Variants in SKIC3 observed in about 807,000 individuals in gnomAD.
The protein encoded by SKIC3 is SKI3 subunit of superkiller complex, also known as superkiller complex protein 3.
At chr5:95,494,970 A>C in the SKIC3 span, 1 of 1,613,752 alleles carries the variant, frequency 6.2e-7, no homozygotes, top group East Asian at 2.2e-5. Context: ...TAACCTTTCC[A>C]TGATTTGAGT....
At chr5:95,537,661 A>T in the SKIC3 span, among the ~76,000 whole-genome samples, 1 of 152,206 alleles carries the variant, frequency 6.6e-6, no homozygotes, top group East Asian at 1.9e-4. Flanking sequence ...TCTGAAGAAC[A>T]TTCCATCACT....
At chr5:95,493,862 A>G in the SKIC3 span, among the ~76,000 whole-genome samples, 1 of 151,996 alleles carries the variant, frequency 6.6e-6, no homozygotes, top group Non-Finnish European at 1.5e-5. Flanking sequence ...CTATACTGCT[A>G]GACATTCCAG....
the SKIC3 span, chr5:95,509,743 A>C: frequency 8.4e-7 from 1 of 1,186,642 alleles, no homozygotes; most frequent in South Asian, 1.3e-5. Flanking sequence ...TATTAACAAA[A>C]TATTCGTTTT....
the SKIC3 span, among the ~76,000 whole-genome samples, chr5:95,551,619 A>T: frequency 6.6e-6 from 1 of 152,172 alleles, no homozygotes; most frequent in African/African-American, 2.4e-5. Context: ...CTCCTCACCC[A>T]ATCTAGTTTT....
chr5:95,488,942 T>C, the SKIC3 span, among the ~76,000 whole-genome samples: 1 of 152,066 alleles, frequency 6.6e-6, no homozygotes, highest in Non-Finnish European at 1.5e-5. Context: ...AAACTTTCCA[T>C]TGAAAATATA....
At chr5:95,498,419 G>A in the SKIC3 span, 7 of 1,614,018 alleles carry the variant, frequency 4.3e-6, no homozygotes, top group Admixed American at 8.3e-5. Context: ...CTGCGGCCTT[G>A]GAGTGCATAA....
chr5:95,473,816 T>C, the SKIC3 span, among the ~76,000 whole-genome samples: 1 of 152,228 alleles, frequency 6.6e-6, no homozygotes, highest in Admixed American at 6.5e-5. Context: ...ATTAGATCTT[T>C]GTCAGATGCA....
At chr5:95,501,146 T>C in the SKIC3 span, among the ~76,000 whole-genome samples, 1 of 152,052 alleles carries the variant, frequency 6.6e-6, no homozygotes, top group African/African-American at 2.4e-5. Context: ...TAAATTTCAA[T>C]ATTGATAACA....
At chr5:95,512,001 T>C in the SKIC3 span, among the ~76,000 whole-genome samples, 3 of 152,128 alleles carry the variant, frequency 2.0e-5, no homozygotes, top group East Asian at 5.8e-4. Context: ...AAAAATCAGG[T>C]GTTAAGTGGG....
chr5:95,545,485 G>C, the SKIC3 span, among the ~76,000 whole-genome samples: 4 of 152,084 alleles, frequency 2.6e-5, no homozygotes, highest in East Asian at 7.7e-4. Context: ...CTCCCAATCT[G>C]GGTCAGCCAA....
the SKIC3 span, among the ~76,000 whole-genome samples, chr5:95,554,575 C>G: frequency 6.6e-6 from 1 of 152,208 alleles, no homozygotes; most frequent in Non-Finnish European, 1.5e-5. Context: ...CCTGAAACTT[C>G]TTACTAGGCC....
the SKIC3 span, chr5:95,507,097 T>C: frequency 4.0e-6 from 5 of 1,254,636 alleles, no homozygotes; most frequent in Non-Finnish European, 5.7e-6. Flanking sequence ...AGATTTTTGT[T>C]CATTTAATTC....
the SKIC3 span, among the ~76,000 whole-genome samples, chr5:95,482,068 A>C: frequency 1.3e-5 from 2 of 152,202 alleles, no homozygotes; most frequent in Non-Finnish European, 2.9e-5. Context: ...AATCCTGAAA[A>C]TAATTATTTC....
chr5:95,507,022 A>C, the SKIC3 span: 1 of 1,611,018 alleles, frequency 6.2e-7, no homozygotes, highest in African/African-American at 1.3e-5. Context: ...CTTAAAAAAA[A>C]AAAGGTATTT....
chr5:95,515,850 G>C, the SKIC3 span, among the ~76,000 whole-genome samples: 1 of 152,048 alleles, frequency 6.6e-6, no homozygotes, highest in Non-Finnish European at 1.5e-5. Flanking sequence ...CATACTCCCA[G>C]TCACTTTAGT....
chr5:95,523,420 C>T, the SKIC3 span: 1 of 1,403,384 alleles, frequency 7.1e-7, no homozygotes. Context: ...TCATTTCTCA[C>T]TTCTGATTTT....
the SKIC3 span, among the ~76,000 whole-genome samples, chr5:95,538,188 T>G: frequency 9.2e-3 from 1,395 of 152,252 alleles, 20 homozygotes; most frequent in African/African-American, 0.032. Flanking sequence ...AAAGTTATTT[T>G]ACTTATTTTG....
At chr5:95,489,659 G>C in the SKIC3 span, among the ~76,000 whole-genome samples, 1 of 151,238 alleles carries the variant, frequency 6.6e-6, no homozygotes, top group Non-Finnish European at 1.5e-5. Flanking sequence ...AAAAAACAAA[G>C]GCAACAAATA....
chr5:95,543,059 T>G, the SKIC3 span: 1 of 1,209,982 alleles, frequency 8.3e-7, no homozygotes, highest in South Asian at 1.4e-5. Flanking sequence ...ACCAATAAAT[T>G]TAAATTTTTT....
Sources: allele counts gnomAD v4.1 joint callset (sites outside exome capture counted in the v4.1 genomes callset), GRCh38; gene constraint gnomAD v4.1.1; transcripts MANE v1.5; gene names NCBI Gene and HGNC (gene_info 2026-07-23, HGNC 2026-07-21).